CCSER1: variants seen among roughly 807,000 people sequenced by gnomAD.
CCSER1 encodes the protein serine-rich coiled-coil domain-containing protein 1.
Under a neutral mutation model 82.0 loss-of-function variants are expected in CCSER1, and 41 were observed. That is an observed-to-expected ratio of 0.50 (90% CI 0.39 to 0.65). The LOEUF (loss-of-function observed/expected upper bound fraction) is 0.65. Ranked by LOEUF, CCSER1 falls within the 30% of genes least tolerant of loss-of-function variation. The pLI is 0.00. For missense variants in CCSER1, 1,119 were observed against 1,064.2 expected, an observed-to-expected ratio of 1.05 and a Z score of -0.72; for synonymous variants, 414 against 383.9, an observed-to-expected ratio of 1.08 and a Z score of -0.92.
At chr4:91,446,412 G>T (rs959520927) in intron 10 of CCSER1, among the ~76,000 whole-genome samples, 2 of 151,846 alleles carry the variant, frequency 1.3e-5, no homozygotes, top group African/African-American at 4.8e-5. Context: ...TTACGTATTG[G>T]CAGAGTGTGC....
intron 10 of CCSER1, among the ~76,000 whole-genome samples, chr4:91,568,829 A>G (rs1291994483): frequency 6.6e-6 from 1 of 151,954 alleles, no homozygotes; most frequent in Admixed American, 6.6e-5. Flanking sequence ...CATATTATGA[A>G]TTCTATTTCT....
chr4:90,855,396 G>A (rs1054007587), intron 8 of CCSER1, among the ~76,000 whole-genome samples: 6 of 151,902 alleles, frequency 3.9e-5, no homozygotes, highest in African/African-American at 1.4e-4. Context: ...GTCTAGCTTT[G>A]GAAACTATTA....
At chr4:90,227,657 C>A (rs1330124354) in intron 1 of CCSER1, among the ~76,000 whole-genome samples, 5 of 152,164 alleles carry the variant, frequency 3.3e-5, no homozygotes, top group Non-Finnish European at 5.9e-5. Flanking sequence ...GTCTACAGCT[C>A]CCAGCGTGAG....
At chr4:91,447,455 G>A (rs991933248) in intron 10 of CCSER1, among the ~76,000 whole-genome samples, 1 of 151,834 alleles carries the variant, frequency 6.6e-6, no homozygotes, top group Non-Finnish European at 1.5e-5. Context: ...CCCTCCTGTG[G>A]AGCTGCTCCC....
chr4:91,582,299 C>A (rs1303763312), intron 10 of CCSER1, among the ~76,000 whole-genome samples: 1 of 151,508 alleles, frequency 6.6e-6, no homozygotes, highest in Non-Finnish European at 1.5e-5. Context: ...CAAATCTTGT[C>A]TGAACTGTTA....
At chr4:90,732,683 T>A (rs1236516907) in intron 7 of CCSER1, among the ~76,000 whole-genome samples, 1 of 152,228 alleles carries the variant, frequency 6.6e-6, no homozygotes, top group East Asian at 1.9e-4. Context: ...GTGGCTAATC[T>A]TGCAAGTGGG....
chr4:91,331,136 G>A (rs1366963787), intron 10 of CCSER1, among the ~76,000 whole-genome samples: 1 of 151,960 alleles, frequency 6.6e-6, no homozygotes, highest in African/African-American at 2.4e-5. Flanking sequence ...ATAGAATGTT[G>A]GAAATGGAAA....
chr4:91,602,517 T>A lies in CCSER1; in HGVS notation c.*3460T>A, dbSNP rs904821932. ...AGTTTGCTGAATGGTTAGGATTATC[T>A]CTGCACATCATTCGTCATCATCAGC... is the stretch of plus-strand genomic sequence containing the variant. On this transcript the variant is annotated 3_prime_UTR_variant, in exon 11 of 11. Coordinates refer to ENST00000509176, the MANE Select transcript of CCSER1 (RefSeq NM_001145065.2). Among the ~76,000 whole-genome samples, 1 of 152,062 alleles carries A rather than the reference T, an allele frequency of 6.6e-6. No homozygotes were observed. Among genetic ancestry groups the A allele is most frequent in the African/African-American group, 2.4e-5 (1 of 41,462 alleles).
intron 10 of CCSER1, among the ~76,000 whole-genome samples, chr4:91,348,034 G>A (rs1015270357): frequency 2.6e-5 from 4 of 152,070 alleles, no homozygotes; most frequent in African/African-American, 7.2e-5. Flanking sequence ...TGTAAGAACA[G>A]ACTTCCTTGC....
At chr4:90,411,473 G>A (rs1256060321) in intron 4 of CCSER1, among the ~76,000 whole-genome samples, 3 of 152,098 alleles carry the variant, frequency 2.0e-5, no homozygotes, top group South Asian at 2.1e-4. Flanking sequence ...TTCAACATAC[G>A]AAAATCAATA....
Position 91,292,721 on chromosome 4 carries a change from C to T in CCSER1, c.2217+206727C>T, listed in dbSNP as rs1743848994. Among the ~76,000 whole-genome samples the T allele has an allele frequency of 2.0e-5, 3 of 151,940 alleles. No individual in the cohort carries two copies. The South Asian group carries it at 6.2e-4, about 31-fold the overall frequency. On this transcript the variant is annotated intron_variant, in intron 10 of 10. Coordinates refer to ENST00000509176, the MANE Select transcript of CCSER1 (RefSeq NM_001145065.2). Reference sequence around the variant, plus strand: ...TACAATATGTAAAGAAAGAAGGCATCCATCAGAAGTGGAGCATTTAAGAAT... The same window carrying T: ...TACAATATGTAAAGAAAGAAGGCATTCATCAGAAGTGGAGCATTTAAGAAT...
At chr4:90,457,577 G>A (rs887580133) in intron 4 of CCSER1, among the ~76,000 whole-genome samples, 2 of 152,192 alleles carry the variant, frequency 1.3e-5, no homozygotes, top group African/African-American at 4.8e-5. Flanking sequence ...TCAGCTCTCA[G>A]CTGAGAGAAG....
intron 8 of CCSER1, among the ~76,000 whole-genome samples, chr4:90,888,430 A>G (rs557732561): frequency 2.6e-5 from 4 of 152,296 alleles, no homozygotes; most frequent in Non-Finnish European, 5.9e-5. Flanking sequence ...AGGCAATAAA[A>G]CAAATTCAGA....
At chr4:90,545,987 G>A (rs773304388) in intron 5 of CCSER1, among the ~76,000 whole-genome samples, 9 of 152,092 alleles carry the variant, frequency 5.9e-5, no homozygotes, top group Non-Finnish European at 1.0e-4. Context: ...ACAGAGTACA[G>A]CATGCAACCA....
chr4:91,013,518 T>C (rs1326300614), intron 9 of CCSER1, among the ~76,000 whole-genome samples: 1 of 131,972 alleles, frequency 7.6e-6, no homozygotes, highest in African/African-American at 2.5e-5. Context: ...CCAGCTTTTT[T>C]GTTCTTTCTC....
intron 10 of CCSER1, among the ~76,000 whole-genome samples, chr4:91,131,920 A>C (rs987993463): frequency 6.6e-6 from 1 of 151,932 alleles, no homozygotes; most frequent in Non-Finnish European, 1.5e-5. Flanking sequence ...TTTTGGATGA[A>C]TCATCGAAAA....
At chr4:90,883,523 G>A (rs1043012349) in intron 8 of CCSER1, among the ~76,000 whole-genome samples, 6 of 150,760 alleles carry the variant, frequency 4.0e-5, no homozygotes, top group Admixed American at 2.0e-4. Context: ...AAAAAGACAA[G>A]TGAAGAAAGT....
intron 10 of CCSER1, among the ~76,000 whole-genome samples, chr4:91,496,729 T>TATTCA (rs1758894676): frequency 1.8e-5 from 1 of 55,698 alleles, no homozygotes; most frequent in African/African-American, 6.1e-5. Flanking sequence ...ATAGAATATA[T>TATTCA]ATATATATTG....
chr4:90,572,710 T>G (rs186806443), intron 5 of CCSER1, among the ~76,000 whole-genome samples: 1 of 152,290 alleles, frequency 6.6e-6, no homozygotes, highest in African/African-American at 2.4e-5. Flanking sequence ...ATTAAATTTC[T>G]CATTCCGTTC....
Sources: allele counts gnomAD v4.1 joint callset (sites outside exome capture counted in the v4.1 genomes callset), GRCh38; gene constraint gnomAD v4.1.1; transcripts MANE v1.5; gene names NCBI Gene and HGNC (gene_info 2026-07-23, HGNC 2026-07-21).